The following CDH18 variants were observed in gnomAD, a reference collection of about 807,000 sequenced individuals.
CDH18 encodes cadherin-18.
A neutral mutation model predicts 67.9 loss-of-function variants in CDH18; 31 were observed. The observed-to-expected ratio is 0.46, with a 90% CI of 0.34 to 0.62. The LOEUF is 0.62. Ranked by LOEUF, CDH18 falls within the 20% of genes least tolerant of loss-of-function variation. The probability of loss-of-function intolerance (pLI) is 0.01; values close to 1 mark genes in which losing one functional copy is unlikely to be tolerated. For synonymous variants in CDH18, 362 were observed against 347.2 expected (o/e 1.04, Z -0.48); for missense variants, 890 against 975.5 (o/e 0.91, Z 1.17).
intron 2 of CDH18, among the ~76,000 whole-genome samples, chr5:19,880,555 T>A (rs563336638): frequency 6.6e-6 from 1 of 152,236 alleles, no homozygotes; most frequent in African/African-American, 2.4e-5. Flanking sequence ...TTGATACACA[T>A]GTGTACAAGA....
intron 2 of CDH18, among the ~76,000 whole-genome samples, chr5:20,136,020 T>C (rs1369387131): frequency 6.6e-6 from 1 of 152,184 alleles, no homozygotes. Context: ...AACTATGTAG[T>C]CAATTTTGGA....
chr5:19,487,242 T>C (rs557412147), intron 11 of CDH18, among the ~76,000 whole-genome samples: 12 of 152,274 alleles, frequency 7.9e-5, no homozygotes, highest in Admixed American at 3.3e-4. Context: ...AAATGATAGA[T>C]AGATTAGATA....
intron 1 of CDH18, among the ~76,000 whole-genome samples, chr5:20,373,965 G>A (rs1743213971): frequency 1.3e-5 from 2 of 152,180 alleles, no homozygotes; most frequent in South Asian, 2.1e-4. Context: ...CTGAATTTGA[G>A]ACATTTACAA....
At chr5:19,589,759 T>A (rs549693528) in intron 7 of CDH18, among the ~76,000 whole-genome samples, 1 of 152,128 alleles carries the variant, frequency 6.6e-6, no homozygotes, top group African/African-American at 2.4e-5. Flanking sequence ...CCTCATTCCC[T>A]CTACTCTGGA....
chr5:20,075,894 C>A (rs1743887983), intron 2 of CDH18, among the ~76,000 whole-genome samples: 1 of 152,024 alleles, frequency 6.6e-6, no homozygotes, highest in African/African-American at 2.4e-5. Flanking sequence ...CAAAAAAAAT[C>A]TGAAACTTCT....
In CDH18 at chr5:20,292,318, A is replaced by G. The variant is rs142608616; in HGVS notation, c.-579-36813T>C. 3.4e-3 allele frequency among the ~76,000 whole-genome samples: 520 copies of G among 152,312 alleles called. 5 individuals are homozygous for G. Among genetic ancestry groups the G allele is most frequent in the Admixed American group, 0.029 (442 of 15,292 alleles). ...AACACTGCTGTTTTGCTTTTAGCAA[A>G]AAGTAATTGGATTTGAGGATAGAGA... On this transcript the variant is annotated intron_variant, in intron 1 of 14. Coordinates refer to the CDH18 transcript ENST00000507958.
At chr5:20,135,277 T>G (rs1749606494) in intron 2 of CDH18, among the ~76,000 whole-genome samples, 1 of 152,194 alleles carries the variant, frequency 6.6e-6, no homozygotes, top group Non-Finnish European at 1.5e-5. Context: ...AGGCTGTTAT[T>G]TGTCTATTCA....
intron 10 of CDH18, among the ~76,000 whole-genome samples, chr5:19,512,974 C>A (rs909256583): frequency 5.3e-5 from 8 of 151,936 alleles, no homozygotes; most frequent in Admixed American, 3.3e-4. Flanking sequence ...CAATTACTGT[C>A]ATGATTTTTC....
chr5:19,766,206 A>C (rs1302913504), intron 3 of CDH18, among the ~76,000 whole-genome samples: 1 of 152,180 alleles, frequency 6.6e-6, no homozygotes, highest in African/African-American at 2.4e-5. Flanking sequence ...TAAAGTCCAA[A>C]GTATTCACTT....
chr5:20,460,414 A>C (rs564646483), intron 1 of CDH18, among the ~76,000 whole-genome samples: 5 of 148,464 alleles, frequency 3.4e-5, no homozygotes, highest in African/African-American at 7.4e-5. Context: ...TAAATAAATA[A>C]ATAAATAAAT....
At chr5:20,368,958 G>A (rs1424739459) in intron 1 of CDH18, among the ~76,000 whole-genome samples, 1 of 152,106 alleles carries the variant, frequency 6.6e-6, no homozygotes, top group Non-Finnish European at 1.5e-5. Context: ...ATTCAGTAAG[G>A]ACCTATCAGA....
chr5:19,554,010 C>G (rs985956532), intron 8 of CDH18, among the ~76,000 whole-genome samples: 1 of 151,956 alleles, frequency 6.6e-6, no homozygotes, highest in Admixed American at 6.6e-5. Context: ...TTATGATTCC[C>G]TTTGTTAACA....
intron 2 of CDH18, among the ~76,000 whole-genome samples, chr5:20,001,562 A>G (rs1736438224): frequency 6.6e-6 from 1 of 152,190 alleles, no homozygotes; most frequent in Non-Finnish European, 1.5e-5. Context: ...GTCCAAAATA[A>G]ATTCCATATT....
At chr5:20,455,995 A>G (rs938868818) in intron 1 of CDH18, among the ~76,000 whole-genome samples, 9 of 152,116 alleles carry the variant, frequency 5.9e-5, no homozygotes, top group African/African-American at 9.6e-5. Context: ...CTTTTGAATT[A>G]TATTTCTCAA....
At chr5:19,614,876 G>T (rs533805587) in intron 5 of CDH18, among the ~76,000 whole-genome samples, 7 of 152,082 alleles carry the variant, frequency 4.6e-5, no homozygotes, top group Non-Finnish European at 1.0e-4. Context: ...GGCTGGGCGC[G>T]GCGGCTCAGG....
chr5:20,515,608 C>G (rs996883197), intron 1 of CDH18, among the ~76,000 whole-genome samples: 2 of 152,014 alleles, frequency 1.3e-5, no homozygotes, highest in African/African-American at 4.8e-5. Context: ...CTAAATAAGT[C>G]AAATTCTATA....
chr5:19,639,641 C>T (rs1010866980), intron 5 of CDH18, among the ~76,000 whole-genome samples: 1 of 152,186 alleles, frequency 6.6e-6, no homozygotes, highest in African/African-American at 2.4e-5. Context: ...GGTGCCACTT[C>T]TTCAGAGAGC....
intron 5 of CDH18, among the ~76,000 whole-genome samples, chr5:19,712,751 G>A (rs1214756446): frequency 2.0e-5 from 3 of 150,612 alleles, no homozygotes; most frequent in East Asian, 1.9e-4. Flanking sequence ...ATATATATGT[G>A]TATATATAGT....
intron 1 of CDH18, among the ~76,000 whole-genome samples, chr5:20,442,844 T>C (rs919750927): frequency 5.3e-5 from 8 of 151,850 alleles, no homozygotes; most frequent in African/African-American, 1.2e-4. Context: ...TGTACAAATA[T>C]TCAGATACAA....
Sources: gnomAD v4.1 joint callset for allele counts (sites outside exome capture counted in the v4.1 genomes callset) on GRCh38, gnomAD v4.1.1 for gene constraint, MANE v1.5 for transcripts, NCBI Gene and HGNC (gene_info 2026-07-23, HGNC 2026-07-21) for gene names.